TMEM132C: variants seen among roughly 807,000 people sequenced by gnomAD.
TMEM132C encodes transmembrane protein 132C, also known as protein phosphatase 1, regulatory subunit 152.
Under a neutral mutation model 61.4 loss-of-function variants are expected in TMEM132C, and 29 were observed. That is an observed-to-expected ratio of 0.47 (90% CI 0.35 to 0.64). The LOEUF (loss-of-function observed/expected upper bound fraction) is 0.64. Among genes scored for constraint, TMEM132C ranks in the 30% least tolerant of loss-of-function variants. The pLI, the probability that TMEM132C is intolerant of heterozygous loss-of-function variation, is 0.00. For missense variants in TMEM132C, 1,408 were observed against 1,476.9 expected (o/e 0.95, Z 0.76); for synonymous variants, 656 against 633.1 (o/e 1.04, Z -0.54).
intron 2 of TMEM132C, among the ~76,000 whole-genome samples, chr12:128,473,333 G>GCCTCTATCTTCATCCTCAC: frequency 4.1e-4 from 1 of 2,434 alleles, no homozygotes; most frequent in East Asian, 0.012. Flanking sequence ...TTCATCTTCA[G>GCCTCTATCTTCATCCTCAC]TCCAGCCTCC....
chr12:128,446,489 A>T (rs545419870), intron 2 of TMEM132C, among the ~76,000 whole-genome samples: 2 of 152,348 alleles, frequency 1.3e-5, no homozygotes, highest in Non-Finnish European at 1.5e-5. Flanking sequence ...CCTGATCATG[A>T]GTTGTCCATT....
At chr12:128,636,131 G>A (rs1954101276) in intron 4 of TMEM132C, among the ~76,000 whole-genome samples, 1 of 152,000 alleles carries the variant, frequency 6.6e-6, no homozygotes, top group Admixed American at 6.6e-5. Context: ...GCCCACTGCA[G>A]TCTTGACCTC....
chr12:128,693,544 G>T (rs778965678), intron 5 of TMEM132C, among the ~76,000 whole-genome samples: 13 of 152,232 alleles, frequency 8.5e-5, no homozygotes, highest in Middle Eastern at 3.4e-3. Flanking sequence ...TACTTTTCAT[G>T]AAGCCTCTGA....
chr12:128,621,775 G>A (rs1451625977), intron 4 of TMEM132C, among the ~76,000 whole-genome samples: 1 of 152,168 alleles, frequency 6.6e-6, no homozygotes, highest in Non-Finnish European at 1.5e-5. Context: ...CCTCTCTCTG[G>A]GCTCCAGCAT....
intron 2 of TMEM132C, among the ~76,000 whole-genome samples, chr12:128,474,552 A>G (rs949071670): frequency 6.6e-6 from 1 of 152,226 alleles, no homozygotes; most frequent in African/African-American, 2.4e-5. Context: ...CATGTTTTAC[A>G]TCCAGACACA....
rs1593079916 is a variant in TMEM132C at position 128,510,815 on chromosome 12, GGCAGCCTCGCCTGGCGAGT to G, written c.975-33140_975-33122del. 2.6e-5 allele frequency among the ~76,000 whole-genome samples: 4 copies of G among 152,340 alleles called. No homozygotes were observed. In the East Asian group the frequency reaches 5.8e-4, roughly 22 times the overall value. On this transcript the variant is annotated intron_variant, in intron 2 of 8. Transcript: ENST00000435159. ...CACCTCAGATGGGCGTGGATCACAG[GGCAGCCTCGCCTGGCGAGT>G]GGCAGATGGAACCTTCTCTTAGTGC... is the stretch of plus-strand genomic sequence containing the variant.
intron 1 of TMEM132C, among the ~76,000 whole-genome samples, chr12:128,332,862 T>C: frequency 6.6e-6 from 1 of 152,248 alleles, no homozygotes; most frequent in East Asian, 1.9e-4. Context: ...CCAAGTGCCC[T>C]GGGGTCTTGG....
In TMEM132C at chr12:128,685,649, A is replaced by G. The variant is rs538707377; in HGVS notation, c.1450-8180A>G. 3.9e-5 allele frequency among the ~76,000 whole-genome samples: 6 copies of G among 152,326 alleles called. No homozygotes were observed. The South Asian group carries it at 1.0e-3, about 26-fold the overall frequency. ...CCTGGCCAAAGCCAAGTCCAGCAAC[A>G]ATGGGGAGAGGAAGTAGACCCTGTC... On this transcript the variant is annotated intron_variant, in intron 5 of 8. Transcript: ENST00000435159.
intron 1 of TMEM132C, among the ~76,000 whole-genome samples, chr12:128,387,835 A>G (rs1179828437): frequency 6.6e-6 from 1 of 152,108 alleles, no homozygotes; most frequent in Non-Finnish European, 1.5e-5. Flanking sequence ...CACGGAGGCA[A>G]TTTTTGTGTG....
chr12:128,503,351 G>A (rs1266779209), intron 2 of TMEM132C, among the ~76,000 whole-genome samples: 1 of 151,722 alleles, frequency 6.6e-6, no homozygotes, highest in Non-Finnish European at 1.5e-5. Context: ...GCGAGGAGCC[G>A]AGGTTTCTGG....
At chr12:128,477,419 A>G (rs982680322) in intron 2 of TMEM132C, among the ~76,000 whole-genome samples, 4 of 152,192 alleles carry the variant, frequency 2.6e-5, no homozygotes, top group Non-Finnish European at 5.9e-5. Flanking sequence ...TTAGCTAAAG[A>G]TAAGTCCATG....
Position 128,415,424 on chromosome 12 carries a change from G to A in TMEM132C, c.778G>A (p.Glu260Lys). 1.3e-6 allele frequency: 2 copies of A among 1,551,672 alleles called. No individual in the cohort carries two copies. Among genetic ancestry groups the A allele is most frequent in the Non-Finnish European group, 1.7e-6 (2 of 1,146,934 alleles). ...CATCCGTCCAGGAAAGGATGGGCTG[G>A]AGGAAACCACGTCCCACCTGCAGAG... ...NAIRPGKDGL[E>K]ETTSHLQRIG... The change falls in exon 2 of 9, where the codon GAG (glutamate) becomes AAG (lysine). Residue 260 changes from glutamate to lysine, a missense_variant. Coordinates refer to ENST00000435159, the MANE Select transcript of TMEM132C (RefSeq NM_001136103.3). The surrounding 1 kb of genome is among the most constrained non-coding windows in gnomAD (Gnocchi z 5.8).
intron 3 of TMEM132C, among the ~76,000 whole-genome samples, chr12:128,568,905 T>G (rs1163917727): frequency 2.0e-5 from 3 of 152,194 alleles, no homozygotes; most frequent in Non-Finnish European, 4.4e-5. Context: ...TATGCAATCT[T>G]TACTTCATTT....
intron 3 of TMEM132C, among the ~76,000 whole-genome samples, chr12:128,586,819 C>G (rs903082330): frequency 1.3e-5 from 2 of 152,238 alleles, no homozygotes; most frequent in African/African-American, 4.8e-5. Flanking sequence ...GAGCACTGTG[C>G]TCAGACTCAG....
At chr12:128,316,657 A>G (rs1057153747) in intron 1 of TMEM132C, among the ~76,000 whole-genome samples, 9 of 152,312 alleles carry the variant, frequency 5.9e-5, no homozygotes, top group Admixed American at 3.9e-4. Context: ...TCTGGTGTCA[A>G]GGGGTGGGGA....
chr12:128,288,352 C>T (rs1409873843), intron 1 of TMEM132C: 1 of 152,188 alleles, frequency 6.6e-6, no homozygotes, highest in African/African-American at 2.4e-5. Flanking sequence ...GACACCACGC[C>T]CAGCCCTCTC....
At chr12:128,285,186 A>G (rs1871016552) in intron 1 of TMEM132C, among the ~76,000 whole-genome samples, 1 of 152,202 alleles carries the variant, frequency 6.6e-6, no homozygotes, top group African/African-American at 2.4e-5. Context: ...GGTGACTATG[A>G]TGAACAACAA....
intron 1 of TMEM132C, among the ~76,000 whole-genome samples, chr12:128,373,610 G>A (rs566010845): frequency 1.4e-4 from 22 of 152,326 alleles, no homozygotes; most frequent in African/African-American, 4.8e-4. Context: ...TCAGTGGACC[G>A]TGGGGCACAG....
At chr12:128,370,831 A>G (rs1008089202) in intron 1 of TMEM132C, among the ~76,000 whole-genome samples, 3 of 152,052 alleles carry the variant, frequency 2.0e-5, no homozygotes, top group South Asian at 4.1e-4. Context: ...TTTCCCATTT[A>G]TTCATAGAAT....
Sources: gnomAD v4.1 joint callset for allele counts (sites outside exome capture counted in the v4.1 genomes callset) on GRCh38, gnomAD v4.1.1 for gene constraint, Gnocchi (gnomAD v3.1) non-coding constraint, MANE v1.5 for transcripts, NCBI Gene and HGNC (gene_info 2026-07-23, HGNC 2026-07-21) for gene names.